HPSE2: variants seen among roughly 807,000 people sequenced by gnomAD.
HPSE2 encodes inactive heparanase-2.
In HPSE2, 38 loss-of-function variants were observed where a neutral mutation model predicts 60.5. The ratio of observed to expected loss-of-function variants is 0.63; its 90% CI spans 0.48 to 0.82. The LOEUF is 0.82. Among genes scored for constraint, HPSE2 ranks in the 40% least tolerant of loss-of-function variants. HPSE2 has a pLI of 0.00. For missense variants in HPSE2, 713 were observed against 740.4 expected, an observed-to-expected ratio of 0.96 and a Z score of 0.43; for synonymous variants, 295 against 293.2, an observed-to-expected ratio of 1.01 and a Z score of -0.06.
At chr10:98,587,740 G>C (rs1944977316) in intron 9 of HPSE2, among the ~76,000 whole-genome samples, 2 of 152,102 alleles carry the variant, frequency 1.3e-5, no homozygotes, top group Non-Finnish European at 2.9e-5. Context: ...AAGTTAAAAT[G>C]CTCCTTCAGA....
intron 3 of HPSE2, among the ~76,000 whole-genome samples, chr10:98,794,581 A>G (rs1950731970): frequency 6.6e-6 from 1 of 152,112 alleles, no homozygotes; most frequent in African/African-American, 2.4e-5. Context: ...TTAGTTCCTA[A>G]TATTTTCTTG....
the HPSE2 span, among the ~76,000 whole-genome samples, chr10:99,275,804 C>T: frequency 6.6e-6 from 1 of 152,120 alleles, no homozygotes; most frequent in Admixed American, 6.5e-5. Flanking sequence ...CTGGTACCAG[C>T]TCAGAGCAGG....
At chr10:98,914,787 G>C (rs964873710) in intron 3 of HPSE2, among the ~76,000 whole-genome samples, 1 of 151,626 alleles carries the variant, frequency 6.6e-6, no homozygotes, top group Non-Finnish European at 1.5e-5. Context: ...GCAGCATTAA[G>C]ATACCTGTCC....
intron 9 of HPSE2, among the ~76,000 whole-genome samples, chr10:98,600,911 GTATATATATATATA>G (rs71007402): frequency 4.1e-5 from 3 of 73,702 alleles, no homozygotes; most frequent in Non-Finnish European, 6.3e-5. Flanking sequence ...ATGTGTGTGT[GTATATATATATATA>G]TATATATATA....
chr10:98,985,327 G>A (rs1179073020), intron 3 of HPSE2, among the ~76,000 whole-genome samples: 8 of 152,126 alleles, frequency 5.3e-5, no homozygotes, highest in South Asian at 2.1e-4. Flanking sequence ...AGAGAGTGGG[G>A]GCCAATATTC....
Position 98,688,468 on chromosome 10 carries a change from TTTTTTTTTC to T in HPSE2, c.1004+5423_1004+5431del, listed in dbSNP as rs1169994237. 1.2e-4 allele frequency among the ~76,000 whole-genome samples: 15 copies of T among 125,894 alleles called. 1 individual carries two copies. The highest frequency in any genetic ancestry group is 3.2e-4 in the African/African-American group (10 of 31,412). The allele number at this position is 125,894 out of a possible 152,430, so 82.6% of individuals were successfully genotyped here. A position where few individuals can be genotyped will look rare whatever the true frequency, so the allele number is the denominator to read the frequency against. On this transcript the variant is annotated intron_variant, in intron 6 of 11. Transcript: ENST00000370552. Reference sequence around the variant, plus strand: ...TGAAGAATTTCCTTTAGCATTTCTTTTTTTTTTTCTTTTTTTTTTTTTTTTGAGGCAGAA... The same window carrying T: ...TGAAGAATTTCCTTTAGCATTTCTTTTTTTTTTTTTTTTTTTGAGGCAGAA...
intron 3 of HPSE2, among the ~76,000 whole-genome samples, chr10:99,123,725 T>C (rs1425368213): frequency 6.6e-6 from 1 of 152,144 alleles, no homozygotes; most frequent in Non-Finnish European, 1.5e-5. Flanking sequence ...AGCTCCTTTC[T>C]ACAGGCAGGT....
At chr10:98,989,177 C>T (rs1956456143) in intron 3 of HPSE2, among the ~76,000 whole-genome samples, 1 of 152,106 alleles carries the variant, frequency 6.6e-6, no homozygotes. Flanking sequence ...AATCATGCTG[C>T]TATAAAGACA....
intron 3 of HPSE2, among the ~76,000 whole-genome samples, chr10:99,063,444 T>C (rs1396219093): frequency 6.6e-6 from 1 of 152,094 alleles, no homozygotes; most frequent in African/African-American, 2.4e-5. Flanking sequence ...CTTTTCAGCT[T>C]GGCAAGAATT....
intron 4 of HPSE2, among the ~76,000 whole-genome samples, chr10:98,737,180 T>C (rs1420127386): frequency 6.6e-6 from 1 of 152,176 alleles, no homozygotes; most frequent in Non-Finnish European, 1.5e-5. Context: ...ATTGACAATA[T>C]GTGTGAAGAC....
At chr10:99,244,889 T>G in the HPSE2 span, among the ~76,000 whole-genome samples, 2 of 152,060 alleles carry the variant, frequency 1.3e-5, no homozygotes, top group Admixed American at 6.5e-5. Flanking sequence ...CCCCTAATTC[T>G]TTGGAGTAGT....
chr10:98,752,511 G>C (rs1949782028), intron 3 of HPSE2, among the ~76,000 whole-genome samples: 2 of 152,076 alleles, frequency 1.3e-5, no homozygotes, highest in African/African-American at 4.8e-5. Context: ...TTGCTTTTCA[G>C]TATCTGGATA....
intron 3 of HPSE2, among the ~76,000 whole-genome samples, chr10:99,041,503 C>G (rs1043692559): frequency 6.6e-6 from 1 of 152,146 alleles, no homozygotes; most frequent in African/African-American, 2.4e-5. Context: ...CAAACTAACA[C>G]AGAGAGCTGC....
chr10:99,252,932 A>G, the HPSE2 span, among the ~76,000 whole-genome samples: 1 of 152,122 alleles, frequency 6.6e-6, no homozygotes, highest in Non-Finnish European at 1.5e-5. Flanking sequence ...CAAGGAGGTG[A>G]AAGATCTCTA....
chr10:99,091,265 A>G (rs1278819824), intron 3 of HPSE2, among the ~76,000 whole-genome samples: 1 of 152,162 alleles, frequency 6.6e-6, no homozygotes, highest in Non-Finnish European at 1.5e-5. Context: ...AAAGAGACAT[A>G]GAACTACAAC....
intron 3 of HPSE2, among the ~76,000 whole-genome samples, chr10:98,990,333 A>G (rs920876922): frequency 2.6e-5 from 4 of 152,212 alleles, no homozygotes; most frequent in African/African-American, 9.7e-5. Flanking sequence ...CAAGCATTAG[A>G]TTCTCATAAG....
intron 2 of HPSE2, among the ~76,000 whole-genome samples, chr10:99,209,375 C>T (rs931305691): frequency 6.6e-5 from 10 of 152,108 alleles, no homozygotes; most frequent in African/African-American, 1.4e-4. Context: ...AATTTAACAA[C>T]ATGCTGCTAA....
intron 9 of HPSE2, among the ~76,000 whole-genome samples, chr10:98,517,202 G>A (rs1018936692): frequency 6.7e-5 from 10 of 150,008 alleles, no homozygotes; most frequent in African/African-American, 1.0e-4. Context: ...TGTGGGGTGG[G>A]GGGGGCGAGG....
At chr10:98,774,063 C>T (rs1950294031) in intron 3 of HPSE2, among the ~76,000 whole-genome samples, 1 of 151,296 alleles carries the variant, frequency 6.6e-6, no homozygotes, top group Non-Finnish European at 1.5e-5. Flanking sequence ...CATCCTGTAG[C>T]AAAAAAAGGA....
Sources: allele counts gnomAD v4.1 joint callset (sites outside exome capture counted in the v4.1 genomes callset), GRCh38; gene constraint gnomAD v4.1.1; transcripts MANE v1.5; gene names NCBI Gene and HGNC (gene_info 2026-07-23, HGNC 2026-07-21).